CRYBG3: variants seen among roughly 807,000 people sequenced by gnomAD.
CRYBG3 encodes very large A-kinase anchor protein.
CRYBG3 carries 127 observed loss-of-function variants against 244.2 expected under a neutral mutation model. The observed-to-expected ratio is 0.52, with a 90% CI of 0.45 to 0.60. The LOEUF (loss-of-function observed/expected upper bound fraction) is 0.60, where lower values mean the gene tolerates loss of function less well. Among genes scored for constraint, CRYBG3 ranks in the 20% least tolerant of loss-of-function variants. The pLI is 0.00. For missense variants in CRYBG3, 3,325 were observed against 3,442.5 expected, an observed-to-expected ratio of 0.97 and a Z score of 0.85; for synonymous variants, 1,132 against 1,195.8, an observed-to-expected ratio of 0.95 and a Z score of 1.10.
chr3:97,896,051 G>A lies in CRYBG3; in HGVS notation c.7667G>A (p.Ser2556Asn), dbSNP rs1007707184. ...GACAGTAATGCTTGTGGTGCATTAA[G>A]TAGCCCTATCTTGTCTTTCCGGTAC... ...FEDSNACGALSSPILSFRYLQ... is the reference protein window; with the variant it reads ...FEDSNACGALNSPILSFRYLQ... Residue 2556 changes from serine to asparagine, a missense_variant, in exon 12 of 22, where the codon AGT (serine) becomes AAT (asparagine). Around this residue, in one of 4 missense-constraint regions of CRYBG3, gnomAD observed 714 missense variants for 803.6 expected, o/e 0.89. Coordinates refer to ENST00000389622, the MANE Select transcript of CRYBG3 (RefSeq NM_153605.4). 5.6e-6 allele frequency: 9 copies of A among 1,613,008 alleles called. No homozygotes were observed. Among genetic ancestry groups the A allele is most frequent in the South Asian group, 1.1e-5 (1 of 90,990 alleles).
chr3:97,845,822 T>C (rs1559716710), intron 2 of CRYBG3, among the ~76,000 whole-genome samples: 3 of 152,342 alleles, frequency 2.0e-5, no homozygotes, highest in Admixed American at 1.3e-4. Context: ...TATATAAAAT[T>C]AAAAACAATG....
Position 97,822,023 on chromosome 3 carries a change from T to TGCCGCGCGAGGAGCGCGTCGCG in CRYBG3, c.-183_-162dup. 1.4e-5 allele frequency: 6 copies of TGCCGCGCGAGGAGCGCGTCGCG among 432,516 alleles called. No individual in the cohort carries two copies. The highest frequency in any genetic ancestry group is 2.3e-5 in the Non-Finnish European group (6 of 256,378). The allele number at this position is 432,516 out of a possible 1,614,324, so 26.8% of individuals were successfully genotyped here. The stretch of plus-strand genomic sequence containing the variant: ...GAGCAGCCGCAGCGGCGTGAGGAGC[T>TGCCGCGCGAGGAGCGCGTCGCG]GCCGCGCGAGGAGCGCGTCGCGTCC... On this transcript the variant is annotated 5_prime_UTR_variant, in exon 1 of 22. Coordinates refer to ENST00000389622, the MANE Select transcript of CRYBG3 (RefSeq NM_153605.4).
intron 1 of CRYBG3, among the ~76,000 whole-genome samples, chr3:97,842,224 A>T (rs75237404): frequency 6.6e-6 from 1 of 152,156 alleles, no homozygotes; most frequent in Non-Finnish European, 1.5e-5. Flanking sequence ...GTCTAGTATT[A>T]TGAAAGTATG....
chr3:97,886,428 A>T (rs1294183577), intron 7 of CRYBG3, among the ~76,000 whole-genome samples: 1 of 152,156 alleles, frequency 6.6e-6, no homozygotes, highest in Non-Finnish European at 1.5e-5. Context: ...CATAAAATTT[A>T]TGATTTTCAT....
At chr3:97,916,885 G>T (rs528815610) in intron 17 of CRYBG3, among the ~76,000 whole-genome samples, 2 of 152,062 alleles carry the variant, frequency 1.3e-5, no homozygotes, top group Admixed American at 1.3e-4. Flanking sequence ...AGGAAAAATG[G>T]TTTAAAAAAA....
intron 17 of CRYBG3, among the ~76,000 whole-genome samples, chr3:97,920,949 G>A (rs574766161): frequency 2.0e-4 from 31 of 151,966 alleles, no homozygotes; most frequent in African/African-American, 7.0e-4. Flanking sequence ...TCTTCCTTTG[G>A]CCTCTTTCTT....
At chr3:97,940,105 C>T (rs1048484370) in intron 19 of CRYBG3, among the ~76,000 whole-genome samples, 7 of 151,934 alleles carry the variant, frequency 4.6e-5, no homozygotes, top group African/African-American at 1.7e-4. Flanking sequence ...ATGAGAAGAA[C>T]CAAAGGTGGG....
At chr3:97,836,017 C>T (rs1051905238) in intron 1 of CRYBG3, among the ~76,000 whole-genome samples, 4 of 152,024 alleles carry the variant, frequency 2.6e-5, no homozygotes, top group African/African-American at 9.7e-5. Context: ...ACACCTCAGA[C>T]GTACTGAGAT....
In CRYBG3 at chr3:97,874,355, A is replaced by G. The variant is rs1004196540; in HGVS notation, c.3161A>G (p.Asn1054Ser). Residue 1054 changes from asparagine to serine, a missense_variant, in exon 4 of 22, where the codon AAT (asparagine) becomes AGT (serine). Around this residue, in one of 4 missense-constraint regions of CRYBG3, gnomAD observed 1,526 missense variants for 1,443.2 expected, o/e 1.06. Transcript: ENST00000389622. ...YRKKENIHFL[N>S]GGIDSVSSSS... ...AAGAAAGAGAACATCCATTTTTTAA[A>G]TGGTGGTATTGATAGTGTGTCATCT... is the stretch of plus-strand genomic sequence containing the variant. The G allele has an allele frequency of 2.6e-6, 4 of 1,525,060 alleles. No homozygotes were observed. The highest frequency in any genetic ancestry group is 2.1e-5 in the Admixed American group (1 of 48,064). The allele number at this position is 1,525,060 out of a possible 1,614,324, so 94.5% of individuals were successfully genotyped here.
chr3:97,928,227 A>T (rs2040061115), intron 17 of CRYBG3, among the ~76,000 whole-genome samples: 1 of 151,950 alleles, frequency 6.6e-6, no homozygotes, highest in Non-Finnish European at 1.5e-5. Flanking sequence ...CCATAAAAAA[A>T]GCAGAATATC....
intron 6 of CRYBG3, among the ~76,000 whole-genome samples, chr3:97,880,497 C>G (rs1226076533): frequency 1.3e-5 from 2 of 152,186 alleles, no homozygotes; most frequent in Non-Finnish European, 2.9e-5. Flanking sequence ...GTTTGTATAG[C>G]TGACTTGCTC....
intron 15 of CRYBG3, among the ~76,000 whole-genome samples, chr3:97,902,584 A>G (rs1017980615): frequency 2.6e-5 from 4 of 151,326 alleles, no homozygotes; most frequent in African/African-American, 9.7e-5. Flanking sequence ...CCTATTGACC[A>G]GTCCTCTAAG....
intron 1 of CRYBG3, among the ~76,000 whole-genome samples, chr3:97,836,348 T>C (rs1379352912): frequency 6.6e-6 from 1 of 152,006 alleles, no homozygotes; most frequent in Non-Finnish European, 1.5e-5. Context: ...AGCCCAGAAA[T>C]AGTGCCATAA....
chr3:97,864,004 C>G (rs1415541884), intron 2 of CRYBG3, among the ~76,000 whole-genome samples: 4 of 152,148 alleles, frequency 2.6e-5, no homozygotes, highest in Non-Finnish European at 4.4e-5. Flanking sequence ...GTGTGCAGTA[C>G]TTCTCCCCTC....
intron 1 of CRYBG3, among the ~76,000 whole-genome samples, chr3:97,827,962 G>A (rs955963905): frequency 3.9e-5 from 6 of 152,196 alleles, no homozygotes; most frequent in African/African-American, 1.2e-4. Flanking sequence ...CTGGACATCT[G>A]CCCAGATGGA....
intron 3 of CRYBG3, among the ~76,000 whole-genome samples, chr3:97,866,007 A>C (rs1157392450): frequency 6.6e-6 from 1 of 152,174 alleles, no homozygotes; most frequent in East Asian, 1.9e-4. Context: ...TTAGACAACA[A>C]CTCACCAATA....
At position 97,881,936 on chromosome 3, in the gene CRYBG3, C is replaced by T. The variant is rs532112088; in HGVS notation, c.7152+717C>T. ...ATAATAGTATAGTATTGGCTGGGCACTGTGGCTCACACCTGTAATCCCAGC... is the reference window on the plus strand; with the variant it reads ...ATAATAGTATAGTATTGGCTGGGCATTGTGGCTCACACCTGTAATCCCAGC... On this transcript the variant is annotated intron_variant, in intron 7 of 21. Coordinates refer to ENST00000389622, the MANE Select transcript of CRYBG3 (RefSeq NM_153605.4). Among the ~76,000 whole-genome samples the T allele has an allele frequency of 1.3e-4, 20 of 150,970 alleles. No homozygotes were observed. The South Asian group carries it at 4.2e-3, about 32-fold the overall frequency.
chr3:97,892,479 G>A (rs542375363), intron 10 of CRYBG3, among the ~76,000 whole-genome samples: 16 of 152,084 alleles, frequency 1.1e-4, no homozygotes, highest in African/African-American at 1.4e-4. Flanking sequence ...CACCATAAAC[G>A]TTTTGTAAAT....
chr3:97,856,683 T>A (rs1054022854), intron 2 of CRYBG3, among the ~76,000 whole-genome samples: 2 of 152,036 alleles, frequency 1.3e-5, no homozygotes, highest in Non-Finnish European at 2.9e-5. Flanking sequence ...TTCCTCTAGG[T>A]TTTTTTTGTT....
Sources: gnomAD v4.1 joint callset for allele counts (sites outside exome capture counted in the v4.1 genomes callset) on GRCh38, gnomAD v4.1.1 for gene constraint, gnomAD v4.1.1 regional missense constraint, MANE v1.5 for transcripts, NCBI Gene and HGNC (gene_info 2026-07-23, HGNC 2026-07-21) for gene names.